HELZ: variants seen among roughly 807,000 people sequenced by gnomAD.
The protein encoded by HELZ is ATP-dependent RNA helicase with zinc finger domain.
A neutral mutation model predicts 218.2 loss-of-function variants in HELZ; 23 were observed. The observed-to-expected ratio is 0.11, with a 90% CI of 0.08 to 0.15. The LOEUF is 0.15. Ranked by LOEUF, HELZ falls within the 10% of genes least tolerant of loss-of-function variation. HELZ has a pLI of 1.00. For synonymous variants in HELZ, 814 were observed against 829.4 expected (o/e 0.98, Z 0.32); for missense variants, 1,813 against 2,353.7 (o/e 0.77, Z 4.75).
intron 31 of HELZ, among the ~76,000 whole-genome samples, chr17:67,096,723 T>C (rs2036760727): frequency 1.3e-5 from 2 of 152,220 alleles, no homozygotes; most frequent in Non-Finnish European, 2.9e-5. Flanking sequence ...TGGATTACGC[T>C]TTGGCTTAAG....
chr17:67,245,216 A>G (rs996752725), upstream of HELZ: 207 of 985,574 alleles, frequency 2.1e-4, no homozygotes, highest in Non-Finnish European at 2.4e-4. Context: ...TGGGTAAGAA[A>G]GAGCCTTTAA....
At chr17:67,231,541 C>T (rs1273356150) in intron 3 of HELZ, among the ~76,000 whole-genome samples, 9 of 147,586 alleles carry the variant, frequency 6.1e-5, no homozygotes, top group African/African-American at 2.0e-4. Flanking sequence ...TGCAGTGAGC[C>T]GAGATCATGC....
rs1022850689 is a variant in HELZ at position 67,201,113 on chromosome 17, A to G, written c.429+16T>C. ...GAGTCAAACTCTTCCAAACGGATCCACTGAAATGGCCTTACCTCTGTTTCT... is the reference window on the plus strand; with the variant it reads ...GAGTCAAACTCTTCCAAACGGATCCGCTGAAATGGCCTTACCTCTGTTTCT... On this transcript the variant is annotated intron_variant, in intron 7 of 32. Transcript: ENST00000358691. 1 of 1,566,226 alleles carries G rather than the reference A, an allele frequency of 6.4e-7. No individual in the cohort carries two copies. Among genetic ancestry groups the G allele is most frequent in the African/African-American group, 1.3e-5 (1 of 74,120 alleles).
chr17:67,184,624 C>CTGT (rs2039702684), intron 12 of HELZ, among the ~76,000 whole-genome samples: 1 of 151,934 alleles, frequency 6.6e-6, no homozygotes, highest in African/African-American at 2.4e-5. Flanking sequence ...CACAGAGAGA[C>CTGT]CTTGTCTCTA....
chr17:67,116,503 AC>A (rs2037431446), intron 27 of HELZ, among the ~76,000 whole-genome samples: 1 of 152,132 alleles, frequency 6.6e-6, no homozygotes, highest in South Asian at 2.1e-4. Flanking sequence ...ACACACACAC[AC>A]ACACACACCA....
intron 31 of HELZ, among the ~76,000 whole-genome samples, chr17:67,090,982 T>C (rs1401765839): frequency 6.6e-6 from 1 of 152,058 alleles, no homozygotes; most frequent in Non-Finnish European, 1.5e-5. Context: ...TGATCTGAGA[T>C]CTTACTTCTT....
At chr17:67,155,784 C>T (rs2038822227) in intron 17 of HELZ, among the ~76,000 whole-genome samples, 1 of 151,466 alleles carries the variant, frequency 6.6e-6, no homozygotes, top group South Asian at 2.1e-4. Flanking sequence ...TTGCAGTGAG[C>T]CCAGATAGCC....
intron 20 of HELZ, 42 bp downstream of exon 20, chr17:67,148,527 G>A (rs757120445): frequency 6.4e-7 from 1 of 1,574,092 alleles, no homozygotes; most frequent in Admixed American, 1.8e-5. Context: ...CCTACTATCA[G>A]ACCAACGAAA....
intron 8 of HELZ, among the ~76,000 whole-genome samples, chr17:67,194,857 T>C (rs983446667): frequency 1.3e-5 from 2 of 152,204 alleles, no homozygotes; most frequent in African/African-American, 4.8e-5. Flanking sequence ...TGTGTGACTT[T>C]AGGGCAACTC....
chr17:67,100,739 A>G (rs1002909301), intron 31 of HELZ, among the ~76,000 whole-genome samples: 1 of 152,174 alleles, frequency 6.6e-6, no homozygotes, highest in Non-Finnish European at 1.5e-5. Context: ...GGAAATACTC[A>G]AGATTTAAAT....
chr17:67,072,999 C>T lies in HELZ; in HGVS notation c.*5253G>A, dbSNP rs1269698741. 1 of 152,180 alleles carries T rather than the reference C, an allele frequency of 6.6e-6. No individual in the cohort carries two copies. Among genetic ancestry groups the T allele is most frequent in the African/African-American group, 2.4e-5 (1 of 41,432 alleles). The allele number at this position is 152,180 out of a possible 1,614,324, so 9.4% of individuals were successfully genotyped here. On this transcript the variant is annotated 3_prime_UTR_variant, in exon 33 of 33. Coordinates refer to ENST00000358691, the MANE Select transcript of HELZ (RefSeq NM_014877.4). Reference sequence around the variant, plus strand: ...TCCAGCTATCTGAATTTTAACAAGACCTCGAGGCAATTCTGATACTGGCTG... The same window carrying T: ...TCCAGCTATCTGAATTTTAACAAGATCTCGAGGCAATTCTGATACTGGCTG...
chr17:67,119,300 A>T (rs1323982147), intron 27 of HELZ, among the ~76,000 whole-genome samples: 1 of 152,216 alleles, frequency 6.6e-6, no homozygotes, highest in Non-Finnish European at 1.5e-5. Flanking sequence ...CATACAACTG[A>T]ATACTAACGG....
chr17:67,141,998 C>T (rs573479182), intron 21 of HELZ, among the ~76,000 whole-genome samples: 1 of 151,750 alleles, frequency 6.6e-6, no homozygotes, highest in South Asian at 2.1e-4. Context: ...GAGCCAAGAA[C>T]GTACCACTGC....
intron 3 of HELZ, among the ~76,000 whole-genome samples, chr17:67,226,748 C>T (rs976058157): frequency 6.6e-6 from 1 of 152,084 alleles, no homozygotes; most frequent in Non-Finnish European, 1.5e-5. Flanking sequence ...ACAACTCAAA[C>T]GTCCTTTAAT....
intron 13 of HELZ, among the ~76,000 whole-genome samples, chr17:67,178,221 T>C (rs2039512543): frequency 6.6e-6 from 1 of 152,222 alleles, no homozygotes; most frequent in African/African-American, 2.4e-5. Context: ...AAAGCTGTTT[T>C]ATTAACCCGT....
intron 13 of HELZ, among the ~76,000 whole-genome samples, chr17:67,177,076 G>A (rs986630805): frequency 2.0e-5 from 3 of 150,874 alleles, no homozygotes; most frequent in Admixed American, 6.6e-5. Flanking sequence ...GGGCTCAAGC[G>A]ATTCTCCCAC....
intron 12 of HELZ, among the ~76,000 whole-genome samples, chr17:67,185,982 C>A (rs1271741536): frequency 6.6e-6 from 1 of 152,088 alleles, no homozygotes; most frequent in Non-Finnish European, 1.5e-5. Flanking sequence ...TTTGTTTCTT[C>A]CAGCTACCAG....
chr17:67,239,003 G>T (rs1408911294), intron 3 of HELZ, among the ~76,000 whole-genome samples: 6 of 152,168 alleles, frequency 3.9e-5, no homozygotes, highest in African/African-American at 1.4e-4. Flanking sequence ...CAAAACTGCA[G>T]ATATATACAG....
chr17:67,118,709 A>AAAAAAAAAAG, intron 27 of HELZ, among the ~76,000 whole-genome samples: 1 of 150,474 alleles, frequency 6.6e-6, no homozygotes, highest in Non-Finnish European at 1.5e-5. Flanking sequence ...AAAAAAAAAA[A>AAAAAAAAAAG]AAAAAAGGCA....
Sources: allele counts gnomAD v4.1 joint callset (sites outside exome capture counted in the v4.1 genomes callset), GRCh38; gene constraint gnomAD v4.1.1; transcripts MANE v1.5; gene names NCBI Gene and HGNC (gene_info 2026-07-23, HGNC 2026-07-21).